The following UBL7 variants were observed in gnomAD, a reference collection of about 807,000 sequenced individuals.
UBL7 encodes the protein ubiquitin like 7.
Under a neutral mutation model 41.7 loss-of-function variants are expected in UBL7, and 21 were observed. That is an observed-to-expected ratio of 0.50 (90% confidence interval 0.36 to 0.73). The LOEUF is 0.73. Among genes scored for constraint, UBL7 ranks in the 30% least tolerant of loss-of-function variants. The pLI, the probability that UBL7 is intolerant of heterozygous loss-of-function variation, is 0.00. For synonymous variants in UBL7, 157 were observed against 186.9 expected (o/e 0.84, Z 1.31); for missense variants, 403 against 478.4 (o/e 0.84, Z 1.47).
chr15:74,450,093 C>T (rs1269218007), intron 6 of UBL7, 24 bp from the exon 7 acceptor site: 3 of 1,598,462 alleles, frequency 1.9e-6, no homozygotes, highest in Non-Finnish European at 2.6e-6. Flanking sequence ...AGGAAGAAAC[C>T]CAAGGGTGAC....
At position 74,449,322 on chromosome 15, in the gene UBL7, G is replaced by A. The variant is rs370626220; in HGVS notation, c.746C>T (p.Pro249Leu). 1.2e-6 allele frequency: 2 copies of A among 1,614,042 alleles called. No homozygotes were observed. The highest frequency in any genetic ancestry group is 1.1e-5 in the South Asian group (1 of 91,072). Reference sequence around the variant, plus strand: ...CCCCAGGGAGGCTGGGCGGGAGCTGGGAGTACTGCTAGAGGGTGTGGACCT... The same window carrying A: ...CCCCAGGGAGGCTGGGCGGGAGCTGAGAGTACTGCTAGAGGGTGTGGACCT... Reference protein sequence around the residue: ...NTRSTPSSSTPSSRPASLGYS... With the variant: ...NTRSTPSSSTLSSRPASLGYS... The change falls in exon 9 of 11, where the codon CCC becomes CTC. Residue 249 changes from proline (P) to leucine (L), a missense_variant. Physicochemically the swap from Pro to Leu is moderately conservative, Grantham distance 98 (BLOSUM62 -3). Coordinates refer to ENST00000395081, the MANE Select transcript of UBL7 (RefSeq NM_032907.5).
At chr15:74,456,525 C>T (rs753964150) in intron 3 of UBL7, 27 bp downstream of exon 3, 2 of 1,611,986 alleles carry the variant, frequency 1.2e-6, no homozygotes, top group Non-Finnish European at 1.7e-6. Flanking sequence ...AGAAACTCTG[C>T]CTGCCTAAGG....
intron 2 of UBL7, among the ~76,000 whole-genome samples, chr15:74,457,506 G>A (rs1347860744): frequency 6.6e-6 from 1 of 151,926 alleles, no homozygotes; most frequent in Non-Finnish European, 1.5e-5. Context: ...TCACACCACT[G>A]CACTCCAGCC....
intron 8 of UBL7, 27 bp downstream of exon 8, chr15:74,449,599 T>C (rs944575715): frequency 6.2e-7 from 1 of 1,613,924 alleles, no homozygotes; most frequent in Non-Finnish European, 8.5e-7. Context: ...CATGTCAGCA[T>C]GTCAGGCAGG....
At chr15:74,458,970 G>A in intron 1 of UBL7, 74 bp from the exon 2 acceptor site, 1 of 1,421,482 alleles carries the variant, frequency 7.0e-7, no homozygotes, top group Non-Finnish European at 9.7e-7. Flanking sequence ...CCAAAGGGTT[G>A]AATGAAAGAC....
intron 2 of UBL7, among the ~76,000 whole-genome samples, chr15:74,456,926 T>C (rs900484413): frequency 1.3e-5 from 2 of 152,058 alleles, no homozygotes; most frequent in African/African-American, 2.4e-5. Flanking sequence ...TCTCCCACCT[T>C]AGCCTCCTGA....
intron 3 of UBL7, among the ~76,000 whole-genome samples, chr15:74,453,333 G>A (rs955239345): frequency 3.3e-5 from 5 of 152,176 alleles, no homozygotes; most frequent in Admixed American, 6.5e-5. Context: ...AGGGCAGGAG[G>A]AGAAATGAGA....
At chr15:74,460,106 G>C (rs2061334840) in intron 1 of UBL7, among the ~76,000 whole-genome samples, 1 of 151,926 alleles carries the variant, frequency 6.6e-6, no homozygotes, top group Non-Finnish European at 1.5e-5. Flanking sequence ...GCAGGGCGTG[G>C]TGGCAGGCGC....
intron 5 of UBL7, among the ~76,000 whole-genome samples, 166 bp downstream of exon 5, chr15:74,451,270 G>A (rs1173366105): frequency 6.6e-6 from 1 of 152,148 alleles, no homozygotes; most frequent in Non-Finnish European, 1.5e-5. Flanking sequence ...GGGACTGAGA[G>A]CTCTTAAAGG....
chr15:74,460,665 T>A (rs913292314), intron 1 of UBL7: 3 of 1,283,382 alleles, frequency 2.3e-6, no homozygotes, highest in Admixed American at 4.8e-5. Context: ...CTTGTCCCCA[T>A]ACCTGGCATA....
intron 3 of UBL7, among the ~76,000 whole-genome samples, chr15:74,456,221 C>G (rs1350803196): frequency 6.6e-6 from 1 of 151,934 alleles, no homozygotes; most frequent in Non-Finnish European, 1.5e-5. Context: ...TCACTTGAAC[C>G]TGGGAGGCGG....
In UBL7 at chr15:74,452,325, G is replaced by A. The variant is rs2061256978; in HGVS notation, c.358C>T (p.Leu120=). 3 of 1,560,398 alleles carry A rather than the reference G, an allele frequency of 1.9e-6. No homozygotes were observed. The highest frequency in any genetic ancestry group is 1.7e-4 in the Middle Eastern group (1 of 6,022). Residue 120 remains leucine (L), a synonymous_variant, in exon 4 of 11, where the codon CTG becomes TTG. Transcript: ENST00000395081. ...TCCCTGTAAGAGGAGCTGCTGTGCA[G>A]GGCAGTGTGCAACACCCGGAACTCT... ...MREFRVLHTA[L]HSSSSYREAV...
intron 1 of UBL7, among the ~76,000 whole-genome samples, chr15:74,459,968 G>A (rs887923471): frequency 1.6e-5 from 2 of 126,878 alleles, no homozygotes; most frequent in East Asian, 2.3e-4. Flanking sequence ...AAAGCCAGAC[G>A]CGGTGGCTCA....
chr15:74,460,086 G>A (rs535680779), intron 1 of UBL7, among the ~76,000 whole-genome samples: 1 of 151,656 alleles, frequency 6.6e-6, no homozygotes, highest in African/African-American at 2.4e-5. Flanking sequence ...TACTATAATA[G>A]AAAAAATTTG....
intron 10 of UBL7, among the ~76,000 whole-genome samples, chr15:74,447,149 C>T (rs781734089): frequency 8.5e-5 from 13 of 152,202 alleles, no homozygotes; most frequent in African/African-American, 1.2e-4. Context: ...AAGTTGTTCA[C>T]GAATCCTGCT....
At position 74,450,281 on chromosome 15, in the gene UBL7, G is replaced by A. The variant is rs184059659; in HGVS notation, c.531-212C>T. 1.7e-3 allele frequency among the ~76,000 whole-genome samples: 266 copies of A among 152,302 alleles called. 2 individuals carry two copies. The highest frequency in any genetic ancestry group is 1.5e-3 in the Non-Finnish European group (99 of 68,026). ...GGCCTTCAAATTCCTGGGGTCCGCT[G>A]CAGATTCTTCACCCTCTCCACAGGC... On this transcript the variant is annotated intron_variant, in intron 6 of 10. Transcript: ENST00000395081.
chr15:74,450,837 G>C lies in UBL7; in HGVS notation c.495C>G (p.Leu165=), dbSNP rs764632169. The C allele has an allele frequency of 1.2e-6, 2 of 1,613,722 alleles. No homozygotes were observed. The highest frequency in any genetic ancestry group is 1.7e-6 in the Non-Finnish European group (2 of 1,179,750). ...IALGVLQDKD[L]FSVFADPNML... is the part of the protein sequence containing the mutation. ...TATTGGGATCAGCGAAGACAGAGAA[G>C]AGGTCCTTGTCCTGGAGAACCCCTG... Residue 165 remains leucine, a synonymous_variant, in exon 6 of 11, where the codon CTC becomes CTG. Coordinates refer to ENST00000395081, the MANE Select transcript of UBL7 (RefSeq NM_032907.5).
chr15:74,454,166 T>C (rs1388823584), intron 3 of UBL7, among the ~76,000 whole-genome samples: 1 of 152,176 alleles, frequency 6.6e-6, no homozygotes, highest in African/African-American at 2.4e-5. Context: ...CTCCATAAGA[T>C]GCTAATGCTG....
chr15:74,457,636 C>T (rs994026275), intron 2 of UBL7, among the ~76,000 whole-genome samples: 3 of 149,492 alleles, frequency 2.0e-5, no homozygotes, highest in African/African-American at 7.4e-5. Flanking sequence ...ATTCAGGAGG[C>T]TGAGGCAGGA....
Sources: allele counts gnomAD v4.1 joint callset (sites outside exome capture counted in the v4.1 genomes callset), GRCh38; gene constraint gnomAD v4.1.1; transcripts MANE v1.5; gene names NCBI Gene and HGNC (gene_info 2026-07-23, HGNC 2026-07-21).